Variants in FGD4 observed in about 807,000 individuals in gnomAD.
FGD4 encodes FYVE, RhoGEF and PH domain containing 4.
FGD4 carries 42 observed loss-of-function variants against 102.0 expected under a neutral mutation model. That is an observed-to-expected ratio of 0.41 (90% CI 0.32 to 0.53). FGD4 has a LOEUF of 0.53. FGD4 is among the 20% of genes least tolerant of loss of function. FGD4 has a pLI of 0.21. For synonymous variants in FGD4, 380 were observed against 375.7 expected (o/e 1.01, Z -0.13); for missense variants, 902 against 1,078.2 (o/e 0.84, Z 2.29).
intron 4 of FGD4, among the ~76,000 whole-genome samples, chr12:32,584,939 C>G (rs1946881825): frequency 6.6e-6 from 1 of 151,968 alleles, no homozygotes; most frequent in African/African-American, 2.4e-5. Flanking sequence ...AGGAGAGCAG[C>G]CGGGTGCGGT....
intron 1 of FGD4, among the ~76,000 whole-genome samples, chr12:32,475,525 T>C (rs1318014388): frequency 1.3e-5 from 2 of 152,222 alleles, no homozygotes; most frequent in East Asian, 3.9e-4. Flanking sequence ...GGTCTAGTTA[T>C]GTGATTCCAA....
At chr12:32,552,779 T>C (rs1477800844) in intron 1 of FGD4, among the ~76,000 whole-genome samples, 1 of 124,708 alleles carries the variant, frequency 8.0e-6, no homozygotes, top group Non-Finnish European at 1.6e-5. Flanking sequence ...CATCATGGAG[T>C]GTACCTTTTT....
At chr12:32,626,083 T>G (rs1488897170) in intron 14 of FGD4, among the ~76,000 whole-genome samples, 5 of 152,154 alleles carry the variant, frequency 3.3e-5, no homozygotes, top group Non-Finnish European at 7.4e-5. Flanking sequence ...CAGAGGAAGA[T>G]TTGGAACCAA....
chr12:32,556,710 T>C (rs543862227), intron 1 of FGD4, among the ~76,000 whole-genome samples: 5 of 151,802 alleles, frequency 3.3e-5, no homozygotes, highest in East Asian at 2.0e-4. Flanking sequence ...ATACAAAAAT[T>C]AGCTGCACAT....
chr12:32,607,274 T>A (rs1354305894), intron 7 of FGD4, among the ~76,000 whole-genome samples: 1 of 152,182 alleles, frequency 6.6e-6, no homozygotes, highest in Non-Finnish European at 1.5e-5. Context: ...CAGGTGTTTT[T>A]AAATGCATAT....
rs117744186 is a variant in FGD4, at chr12:32,498,307, A to G, written c.167-65830A>G. On this transcript the variant is annotated intron_variant, in intron 1 of 16. Transcript: ENST00000534526. ...ACCTCTAGACAGTTCCCTTTTAAAA[A>G]ATATTTGATTGCAGTATATTTCTAT... Among the ~76,000 whole-genome samples, 97 of 152,326 alleles carry G rather than the reference A, an allele frequency of 6.4e-4. 1 individual carries two copies. The East Asian group carries it at 0.017, about 27-fold the overall frequency.
intron 11 of FGD4, among the ~76,000 whole-genome samples, chr12:32,623,928 A>T (rs892422943): frequency 2.6e-5 from 4 of 152,210 alleles, no homozygotes; most frequent in African/African-American, 9.6e-5. Context: ...TATTGCCTAA[A>T]GCCTTCTAAG....
intron 1 of FGD4, among the ~76,000 whole-genome samples, chr12:32,491,140 A>AC (rs1475696414): frequency 6.6e-6 from 1 of 150,784 alleles, no homozygotes; most frequent in African/African-American, 2.4e-5. Flanking sequence ...GTTAAAAAAA[A>AC]AAAAAAAAAA....
In FGD4 at chr12:32,620,790, C is replaced by T. The variant is rs543071284; in HGVS notation, c.1922+920C>T. On this transcript the variant is annotated intron_variant, in intron 11 of 16. Transcript: ENST00000534526. ...TCGGCTCACTGCAAGCTCCGCCTCC[C>T]GGGTTCACGCCATTCTCCTACCTCA... is the stretch of plus-strand genomic sequence containing the variant. Among the ~76,000 whole-genome samples the T allele has an allele frequency of 1.5e-4, 22 of 150,082 alleles. No individual in the cohort carries two copies. The South Asian group carries it at 3.4e-3, about 23-fold the overall frequency.
intron 1 of FGD4, among the ~76,000 whole-genome samples, chr12:32,474,292 C>T (rs1447852191): frequency 6.6e-6 from 1 of 152,108 alleles, no homozygotes; most frequent in Non-Finnish European, 1.5e-5. Flanking sequence ...CACAGAAAAC[C>T]TTGTACATGA....
intron 1 of FGD4, among the ~76,000 whole-genome samples, chr12:32,538,087 T>C (rs1433127444): frequency 1.3e-5 from 2 of 152,052 alleles, no homozygotes; most frequent in African/African-American, 4.8e-5. Context: ...AGTAGAGACA[T>C]GGGTTTTGTC....
At chr12:32,463,176 G>A (rs748978443) in intron 1 of FGD4, among the ~76,000 whole-genome samples, 1 of 152,204 alleles carries the variant, frequency 6.6e-6, no homozygotes, top group African/African-American at 2.4e-5. Context: ...ATAGGTAGCT[G>A]TGAGACAAGA....
intron 14 of FGD4, among the ~76,000 whole-genome samples, chr12:32,628,734 C>T (rs1399795966): frequency 3.3e-5 from 5 of 151,950 alleles, no homozygotes; most frequent in Non-Finnish European, 5.9e-5. Flanking sequence ...TGTGATGAGC[C>T]GAGATTGCGC....
chr12:32,402,523 C>T (rs1237548732), intron 1 of FGD4, among the ~76,000 whole-genome samples: 3 of 151,848 alleles, frequency 2.0e-5, no homozygotes, highest in Non-Finnish European at 4.4e-5. Context: ...TCGTAGCTCA[C>T]TATAGCTTCG....
chr12:32,419,529 G>T (rs990982610), intron 1 of FGD4, among the ~76,000 whole-genome samples: 3 of 152,172 alleles, frequency 2.0e-5, no homozygotes, highest in South Asian at 2.1e-4. Context: ...GCTGGGGATG[G>T]GGGAGGCATG....
intron 1 of FGD4, among the ~76,000 whole-genome samples, chr12:32,509,325 C>T (rs759728978): frequency 1.7e-4 from 25 of 147,908 alleles, no homozygotes; most frequent in Non-Finnish European, 2.5e-4. Context: ...ACAGTAGCAG[C>T]GAGGGTACAG....
rs571505462 is a variant in FGD4 at position 32,563,050 on chromosome 12, C to T, written c.167-1087C>T. Among the ~76,000 whole-genome samples the T allele has an allele frequency of 7.8e-3, 1,155 of 147,972 alleles. 24 individuals are homozygous for T. The highest frequency in any genetic ancestry group is 0.027 in the African/African-American group (1,087 of 40,558). On this transcript the variant is annotated intron_variant, in intron 1 of 16. Transcript: ENST00000534526. Reference sequence around the variant, plus strand: ...GGCTGGCCGGGCGGGGGGCTGACACCCCCACCTCCCTCCCGGACGGGGCGG... The same window carrying T: ...GGCTGGCCGGGCGGGGGGCTGACACTCCCACCTCCCTCCCGGACGGGGCGG...
chr12:32,524,524 T>TA (rs113473656), intron 1 of FGD4, among the ~76,000 whole-genome samples: 15,051 of 134,442 alleles, frequency 0.11, 1,094 homozygotes, highest in African/African-American at 0.21. Context: ...ATAATTCAAA[T>TA]AAAAAAAAAA....
At chr12:32,484,277 G>A (rs1039048600) in intron 1 of FGD4, among the ~76,000 whole-genome samples, 2 of 152,130 alleles carry the variant, frequency 1.3e-5, no homozygotes, top group African/African-American at 4.8e-5. Context: ...CCACTTGTTG[G>A]TTCATAAGCT....
Sources: allele counts gnomAD v4.1 joint callset (sites outside exome capture counted in the v4.1 genomes callset), GRCh38; gene constraint gnomAD v4.1.1; transcripts MANE v1.5; gene names NCBI Gene and HGNC (gene_info 2026-07-23, HGNC 2026-07-21).